CPXM2: variants seen among roughly 807,000 people sequenced by gnomAD.
CPXM2 encodes the protein carboxypeptidase X, M14 family member 2.
A neutral mutation model predicts 86.1 loss-of-function variants in CPXM2; 66 were observed. The ratio of observed to expected loss-of-function variants is 0.77; its 90% CI spans 0.63 to 0.94. The LOEUF is 0.94. Ranked by LOEUF, CPXM2 falls within the 40% of genes least tolerant of loss-of-function variation. The pLI, the probability that CPXM2 is intolerant of heterozygous loss-of-function variation, is 0.00. For missense variants in CPXM2, 948 were observed against 1,026.3 expected (o/e 0.92, Z 1.04); for synonymous variants, 388 against 400.2 (o/e 0.97, Z 0.36).
At chr10:123,920,712 T>G (rs558159181) in intron 2 of CPXM2, among the ~76,000 whole-genome samples, 1 of 152,364 alleles carries the variant, frequency 6.6e-6, no homozygotes, top group Non-Finnish European at 1.5e-5. Flanking sequence ...ATGATAGTGT[T>G]GAGAGTTGAG....
chr10:123,806,413 C>T (rs571203105), intron 4 of CPXM2, among the ~76,000 whole-genome samples: 1 of 152,266 alleles, frequency 6.6e-6, no homozygotes, highest in Non-Finnish European at 1.5e-5. Flanking sequence ...GCCATTTTAG[C>T]TTGAATCCAG....
intron 1 of CPXM2, among the ~76,000 whole-genome samples, chr10:123,883,027 A>G (rs1024113632): frequency 1.3e-5 from 2 of 151,904 alleles, no homozygotes; most frequent in Non-Finnish European, 2.9e-5. Flanking sequence ...TGGCTTGGGC[A>G]GACTCCACAC....
chr10:123,927,485 C>T (rs1945633227), intron 2 of CPXM2, among the ~76,000 whole-genome samples: 1 of 152,178 alleles, frequency 6.6e-6, no homozygotes, highest in Admixed American at 6.5e-5. Flanking sequence ...TAATCCTCCC[C>T]ATGACCTACA....
At chr10:123,935,381 C>A (rs1477074660) in intron 2 of CPXM2, among the ~76,000 whole-genome samples, 1 of 152,112 alleles carries the variant, frequency 6.6e-6, no homozygotes, top group African/African-American at 2.4e-5. Context: ...ATTGGGGAAC[C>A]CACCCTGGGT....
intron 3 of CPXM2, among the ~76,000 whole-genome samples, chr10:123,849,994 T>C (rs74162954): frequency 0.013 from 1,960 of 152,294 alleles, 35 homozygotes; most frequent in African/African-American, 0.044. Flanking sequence ...CAGGTTGGTT[T>C]TCTTATTTTC....
chr10:123,842,908 G>A (rs1397566487), intron 3 of CPXM2, among the ~76,000 whole-genome samples: 3 of 152,132 alleles, frequency 2.0e-5, no homozygotes, highest in Non-Finnish European at 4.4e-5. Context: ...CAGTGGGGCC[G>A]GTGCTATTTC....
In CPXM2 at chr10:123,891,426, C is replaced by A. The variant is rs1945268441; in HGVS notation, c.234G>T (p.Pro78=). Residue 78 remains proline, a synonymous_variant, in exon 1 of 14, where the codon CCG becomes CCT. Coordinates refer to ENST00000241305, the MANE Select transcript of CPXM2 (RefSeq NM_198148.3). This position sits in a 1 kb window ranked among gnomAD's most constrained non-coding sequence, Gnocchi z 5.6. ...TCTTGGGCTTGGTGGCCCTCTTGGG[C>A]GGCCTGGGCTCCTGCGGGCGCCGCT... is the stretch of plus-strand genomic sequence containing the variant. The part of the protein sequence containing the change: ...EWERRPQEPR[P]PKRATKPKKA... 6.4e-7 allele frequency: 1 copy of A among 1,560,116 alleles called. No homozygotes were observed. Among genetic ancestry groups the A allele is most frequent in the Non-Finnish European group, 8.7e-7 (1 of 1,151,914 alleles).
In CPXM2 at chr10:123,891,767, G is replaced by T; in HGVS notation, c.-108C>A. 1 of 745,814 alleles carries T rather than the reference G, an allele frequency of 1.3e-6. No individual in the cohort carries two copies. The highest frequency in any genetic ancestry group is 1.8e-6 in the Non-Finnish European group (1 of 560,236). The allele number at this position is 745,814 out of a possible 1,614,324, so 46.2% of individuals were successfully genotyped here. The stretch of plus-strand genomic sequence containing the variant: ...CAAGGGCGCAGGGCACAGCAGAGCG[G>T]CGCGCTTGGGCGCGGGAGGCGGCCG... On this transcript the variant is annotated 5_prime_UTR_variant, in exon 1 of 14. Coordinates refer to ENST00000241305, the MANE Select transcript of CPXM2 (RefSeq NM_198148.3). The surrounding 1 kb of genome is among the most constrained non-coding windows in gnomAD (Gnocchi z 5.6).
chr10:123,929,266 G>A (rs1486470197), intron 2 of CPXM2, among the ~76,000 whole-genome samples: 1 of 152,204 alleles, frequency 6.6e-6, no homozygotes, highest in Non-Finnish European at 1.5e-5. Flanking sequence ...GTGCAGGGAG[G>A]ATGAATTTCG....
At chr10:123,860,246 A>T (rs1848822747) in intron 3 of CPXM2, among the ~76,000 whole-genome samples, 2 of 152,178 alleles carry the variant, frequency 1.3e-5, no homozygotes, top group South Asian at 4.1e-4. Flanking sequence ...AATGTTTTAA[A>T]ATCAGAAGTC....
At position 123,760,036 on chromosome 10, in the gene CPXM2, C is replaced by T. The variant is rs532372940; in HGVS notation, c.1777+1836G>A. Among the ~76,000 whole-genome samples the T allele has an allele frequency of 5.9e-5, 9 of 152,306 alleles. No homozygotes were observed. The South Asian group carries it at 1.9e-3, about 32-fold the overall frequency. Reference sequence around the variant, plus strand: ...ATTAATCTACAATGCAATGAATCTGCAGACTTCATCACACTGTCAGGAAGA... The same window carrying T: ...ATTAATCTACAATGCAATGAATCTGTAGACTTCATCACACTGTCAGGAAGA... On this transcript the variant is annotated intron_variant, in intron 11 of 13. Transcript: ENST00000241305.
intron 3 of CPXM2, among the ~76,000 whole-genome samples, chr10:123,852,543 G>T (rs566326167): frequency 6.6e-6 from 1 of 152,174 alleles, no homozygotes; most frequent in Admixed American, 6.5e-5. Context: ...AGGTTGATCC[G>T]TTTCACATGT....
chr10:123,871,098 A>G (rs555348946), intron 2 of CPXM2, among the ~76,000 whole-genome samples: 2 of 152,238 alleles, frequency 1.3e-5, no homozygotes, highest in South Asian at 4.2e-4. Context: ...GGTTCTGACC[A>G]CCTACCTCCT....
chr10:123,796,385 T>A (rs1023158400), intron 6 of CPXM2, among the ~76,000 whole-genome samples: 3 of 152,176 alleles, frequency 2.0e-5, no homozygotes, highest in Non-Finnish European at 4.4e-5. Flanking sequence ...ATTGAAAACA[T>A]GGCATTTTTT....
At chr10:123,907,084 T>C (rs1181860624) in intron 2 of CPXM2, among the ~76,000 whole-genome samples, 1 of 152,204 alleles carries the variant, frequency 6.6e-6, no homozygotes, top group Non-Finnish European at 1.5e-5. Flanking sequence ...GCACGGTGTG[T>C]GCATGTGTGT....
upstream of CPXM2, among the ~76,000 whole-genome samples, chr10:123,943,875 G>C (rs78748826): frequency 0.017 from 2,548 of 152,288 alleles, 75 homozygotes; most frequent in African/African-American, 0.057. Context: ...CCATGGAATA[G>C]AAGGGGGATC....
chr10:123,936,056 C>T, intron 2 of CPXM2, among the ~76,000 whole-genome samples: 1 of 116,084 alleles, frequency 8.6e-6, no homozygotes, highest in Non-Finnish European at 1.8e-5. Flanking sequence ...TCATCACCAT[C>T]ACCATCATCA....
chr10:123,806,859 C>G (rs1847590150), intron 4 of CPXM2, among the ~76,000 whole-genome samples: 1 of 152,090 alleles, frequency 6.6e-6, no homozygotes, highest in Non-Finnish European at 1.5e-5. Context: ...TCACCTCCCA[C>G]CACGTCCCTC....
In CPXM2 at chr10:123,857,570, CGGCGTGG is replaced by C. The variant is rs1590072406; in HGVS notation, c.513+5037_513+5043del. ...TGGAAGGCGGCGTGGAGATGGAAGG[CGGCGTGG>C]AGATGGAAGGCGGCGTGGAGATGGA... On this transcript the variant is annotated intron_variant, in intron 3 of 13. Transcript: ENST00000241305. 1.1e-4 allele frequency among the ~76,000 whole-genome samples: 14 copies of C among 127,530 alleles called. No homozygotes were observed. The East Asian group carries it at 3.8e-3, about 34-fold the overall frequency. The allele number at this position is 127,530 out of a possible 152,430, so 83.7% of individuals were successfully genotyped here.
Sources: gnomAD v4.1 joint callset for allele counts (sites outside exome capture counted in the v4.1 genomes callset) on GRCh38, gnomAD v4.1.1 for gene constraint, Gnocchi (gnomAD v3.1) non-coding constraint, MANE v1.5 for transcripts, NCBI Gene and HGNC (gene_info 2026-07-23, HGNC 2026-07-21) for gene names.